The following GRM5 variants were observed in gnomAD, a reference collection of about 807,000 sequenced individuals.
GRM5 encodes metabotropic glutamate receptor 5.
A neutral mutation model predicts 83.1 loss-of-function variants in GRM5; 19 were observed. The ratio of observed to expected loss-of-function variants is 0.23; its 90% CI spans 0.16 to 0.34. The LOEUF (loss-of-function observed/expected upper bound fraction) is 0.34, where lower values mean the gene tolerates loss of function less well. GRM5 is among the 10% of genes least tolerant of loss of function. GRM5 has a pLI of 1.00. For synonymous variants in GRM5, 675 were observed against 633.6 expected, an observed-to-expected ratio of 1.07 and a Z score of -0.98; for missense variants, 1,160 against 1,588.3, an observed-to-expected ratio of 0.73 and a Z score of 4.58.
intron 2 of GRM5, among the ~76,000 whole-genome samples, chr11:88,932,490 C>A (rs1937748723): frequency 6.6e-6 from 1 of 151,786 alleles, no homozygotes; most frequent in Non-Finnish European, 1.5e-5. Flanking sequence ...AGCCTAGTTC[C>A]TCATATATAG....
intron 3 of GRM5, among the ~76,000 whole-genome samples, chr11:88,795,215 C>G (rs183758325): frequency 6.6e-6 from 1 of 152,148 alleles, no homozygotes; most frequent in African/African-American, 2.4e-5. Flanking sequence ...AATTCACAAG[C>G]GAGAAAGCAG....
At chr11:88,992,723 T>C (rs1197264417) in intron 2 of GRM5, among the ~76,000 whole-genome samples, 6 of 151,880 alleles carry the variant, frequency 4.0e-5, no homozygotes, top group Non-Finnish European at 7.4e-5. Flanking sequence ...TGTAGGGACA[T>C]GGATGAAGCT....
rs568690470 is a variant in GRM5 at position 88,691,677 on chromosome 11, T to A, written c.912-38274A>T. ...TGTGATAGATGTGCATCCACTCATGTATTTAAGCTGGAATTTTAGGGTTTA... is the reference window on the plus strand; with the variant it reads ...TGTGATAGATGTGCATCCACTCATGAATTTAAGCTGGAATTTTAGGGTTTA... On this transcript the variant is annotated intron_variant, in intron 3 of 9. Transcript: ENST00000305447. 2.6e-5 allele frequency among the ~76,000 whole-genome samples: 4 copies of A among 152,310 alleles called. No individual in the cohort carries two copies. In the South Asian group the frequency reaches 6.2e-4, roughly 24 times the overall value.
intron 4 of GRM5, among the ~76,000 whole-genome samples, chr11:88,638,389 T>G (rs2135282373): frequency 6.6e-6 from 1 of 152,192 alleles, no homozygotes; most frequent in East Asian, 1.9e-4. Context: ...TCATGAGGTC[T>G]ATATGAGGTA....
chr11:88,567,991 A>T lies in GRM5; in HGVS notation c.1692T>A (p.Gly564=). The T allele has an allele frequency of 6.3e-7, 1 of 1,594,978 alleles. No individual in the cohort carries two copies. The highest frequency in any genetic ancestry group is 8.6e-7 in the Non-Finnish European group (1 of 1,164,450). ...GATACTGTACTGGGATCAAGTCACA[A>T]CCTGCAGAGACACAAACACATATTG... ...LGSWPTDDLT[G]CDLIPVQYLR... Residue 564 remains glycine (G), a splice_region_variant and synonymous_variant, in exon 8 of 10, where the codon GGT becomes GGA. Transcript: ENST00000305447. This position sits in a 1 kb window ranked among gnomAD's most constrained non-coding sequence, Gnocchi z 7.3.
intron 2 of GRM5, among the ~76,000 whole-genome samples, chr11:88,967,747 C>A (rs568047909): frequency 2.6e-5 from 4 of 152,100 alleles, no homozygotes; most frequent in Admixed American, 1.3e-4. Flanking sequence ...GCTAAAGCTC[C>A]CTGCTGATGG....
chr11:89,062,393 T>A (rs1942013932), intron 1 of GRM5, among the ~76,000 whole-genome samples: 1 of 152,204 alleles, frequency 6.6e-6, no homozygotes, highest in African/African-American at 2.4e-5. Context: ...TCCTGGTCAA[T>A]GCACCTTTGG....
At chr11:88,724,323 T>A (rs1045846993) in intron 3 of GRM5, among the ~76,000 whole-genome samples, 1 of 152,166 alleles carries the variant, frequency 6.6e-6, no homozygotes, top group African/African-American at 2.4e-5. Flanking sequence ...ACTGACCTTT[T>A]CTCAGGAGGC....
At chr11:88,930,472 A>G (rs1937666115) in intron 2 of GRM5, among the ~76,000 whole-genome samples, 1 of 152,114 alleles carries the variant, frequency 6.6e-6, no homozygotes, top group South Asian at 2.1e-4. Flanking sequence ...GGAAAAAAGG[A>G]AAGCAACTTT....
intron 2 of GRM5, among the ~76,000 whole-genome samples, chr11:88,976,415 A>G (rs911189796): frequency 6.6e-6 from 1 of 152,116 alleles, no homozygotes; most frequent in Non-Finnish European, 1.5e-5. Flanking sequence ...TTTCTCAAAT[A>G]GAACTATGGT....
rs187800761 is a variant in GRM5 at position 88,854,223 on chromosome 11, T to G, written c.662-4068A>C. Among the ~76,000 whole-genome samples, 136 of 151,856 alleles carry G rather than the reference T, an allele frequency of 9.0e-4. 1 individual carries two copies. The highest frequency in any genetic ancestry group is 3.0e-3 in the African/African-American group (124 of 41,482). On this transcript the variant is annotated intron_variant, in intron 2 of 9. Coordinates refer to ENST00000305447, the MANE Select transcript of GRM5 (RefSeq NM_001143831.3). ...AACTAACACATGTTGAATAAAGAAA[T>G]AAATTATTGAATGAGCAGTACAAAA...
chr11:88,731,313 T>C (rs1254210803), intron 3 of GRM5, among the ~76,000 whole-genome samples: 1 of 152,034 alleles, frequency 6.6e-6, no homozygotes, highest in African/African-American at 2.4e-5. Flanking sequence ...GTTTTGTAGC[T>C]CCATGGCATT....
At chr11:88,826,454 A>AT (rs1943895732) in intron 3 of GRM5, among the ~76,000 whole-genome samples, 1 of 151,234 alleles carries the variant, frequency 6.6e-6, no homozygotes, top group South Asian at 2.1e-4. Flanking sequence ...TTATATATAT[A>AT]ATTATTTTAT....
chr11:88,658,460 A>C (rs1939823101), intron 3 of GRM5, among the ~76,000 whole-genome samples: 1 of 152,212 alleles, frequency 6.6e-6, no homozygotes, highest in Non-Finnish European at 1.5e-5. Flanking sequence ...AATTGACAGC[A>C]TCACTGTGTG....
chr11:88,964,348 G>A (rs111691294), intron 2 of GRM5, among the ~76,000 whole-genome samples: 1 of 146,394 alleles, frequency 6.8e-6, no homozygotes, highest in African/African-American at 2.5e-5. Context: ...GAGAGTAACA[G>A]TAGAATAGGC....
intron 2 of GRM5, among the ~76,000 whole-genome samples, chr11:89,030,530 A>T (rs560693475): frequency 1.2e-4 from 18 of 152,228 alleles, no homozygotes; most frequent in Admixed American, 2.6e-4. Context: ...GTAAATGGTA[A>T]TTAAAAGTAC....
At chr11:88,790,910 AGCCT>A (rs1452140188) in intron 3 of GRM5, among the ~76,000 whole-genome samples, 1 of 152,182 alleles carries the variant, frequency 6.6e-6, no homozygotes, top group Non-Finnish European at 1.5e-5. Context: ...GGCAATGGGG[AGCCT>A]CTGGAAATTT....
intron 2 of GRM5, among the ~76,000 whole-genome samples, chr11:88,902,162 T>G (rs576430571): frequency 1.6e-4 from 25 of 152,130 alleles, no homozygotes; most frequent in South Asian, 2.1e-4. Context: ...TTTGTTTTTT[T>G]TTTGTTTGTT....
intron 3 of GRM5, among the ~76,000 whole-genome samples, chr11:88,779,186 C>T (rs1942922774): frequency 6.6e-6 from 1 of 152,180 alleles, no homozygotes; most frequent in African/African-American, 2.4e-5. Flanking sequence ...CTCCACTGTT[C>T]TCAACTGCTT....
Sources: gnomAD v4.1 joint callset for allele counts (sites outside exome capture counted in the v4.1 genomes callset) on GRCh38, gnomAD v4.1.1 for gene constraint, Gnocchi (gnomAD v3.1) non-coding constraint, MANE v1.5 for transcripts, NCBI Gene and HGNC (gene_info 2026-07-23, HGNC 2026-07-21) for gene names.